Variants in MON2 observed in about 807,000 individuals in gnomAD.
MON2 encodes the protein protein MON2 homolog.
In MON2, 84 loss-of-function variants were observed where a neutral mutation model predicts 208.6. That is an observed-to-expected ratio of 0.40 (90% CI 0.34 to 0.48). MON2 has a LOEUF of 0.48. Ranked by LOEUF, MON2 falls within the 20% of genes least tolerant of loss-of-function variation. The pLI is 0.59. For missense variants in MON2, 1,611 were observed against 2,015.4 expected, an observed-to-expected ratio of 0.80 and a Z score of 3.84; for synonymous variants, 660 against 694.0, an observed-to-expected ratio of 0.95 and a Z score of 0.77.
rs1249706850 is a variant in MON2 at position 62,593,945 on chromosome 12, A to G, written c.*1196A>G. 1.3e-5 allele frequency: 2 copies of G among 152,170 alleles called. No individual in the cohort carries two copies. Among genetic ancestry groups the G allele is most frequent in the Non-Finnish European group, 2.9e-5 (2 of 67,992 alleles). 9.4% of individuals were successfully genotyped at this position (152,170 alleles called of 1,614,324 possible). On this transcript the variant is annotated 3_prime_UTR_variant, in exon 35 of 35. Coordinates refer to ENST00000393630, the MANE Select transcript of MON2 (RefSeq NM_015026.3). ...AGTGAACTTGCTGTCACGGAGTAAA[A>G]TGCTAATTATGTTTCACTTTCCTAG...
At chr12:62,576,695 T>C (rs1056798179) in intron 30 of MON2, among the ~76,000 whole-genome samples, 5 of 151,916 alleles carry the variant, frequency 3.3e-5, no homozygotes, top group Non-Finnish European at 5.9e-5. Context: ...ATAGGTAAAT[T>C]CTGTTAATCA....
chr12:62,535,917 G>A (rs2072945334), intron 14 of MON2, among the ~76,000 whole-genome samples: 1 of 151,730 alleles, frequency 6.6e-6, no homozygotes, highest in Non-Finnish European at 1.5e-5. Context: ...AATCTAAAAT[G>A]CTGCAAAATC....
Position 62,580,424 on chromosome 12 carries a change from T to C in MON2, c.4699+4T>C, listed in dbSNP as rs2074961166. ...TCTCAGTCATCTTCATTTACAGGTATGTTAATTTTTTTAAGTATTAAAAAG... is the reference window on the plus strand; with the variant it reads ...TCTCAGTCATCTTCATTTACAGGTACGTTAATTTTTTTAAGTATTAAAAAG... On this transcript the variant is annotated splice_donor_region_variant and intron_variant, in intron 32 of 34. Coordinates refer to ENST00000393630, the MANE Select transcript of MON2 (RefSeq NM_015026.3). 1 of 1,588,290 alleles carries C rather than the reference T, an allele frequency of 6.3e-7. No homozygotes were observed. Among genetic ancestry groups the C allele is most frequent in the South Asian group, 1.1e-5 (1 of 88,498 alleles).
chr12:62,543,486 C>A (rs979269621), intron 20 of MON2, among the ~76,000 whole-genome samples: 1 of 152,218 alleles, frequency 6.6e-6, no homozygotes, highest in East Asian at 1.9e-4. Context: ...CATACAGTCT[C>A]TTGATCCACC....
intron 12 of MON2, among the ~76,000 whole-genome samples, chr12:62,534,441 C>G (rs2072809394): frequency 6.9e-6 from 1 of 145,046 alleles, no homozygotes; most frequent in Non-Finnish European, 1.5e-5. Flanking sequence ...ATCTCTTGAA[C>G]CCAGGAGGCG....
intron 7 of MON2, among the ~76,000 whole-genome samples, 192 bp downstream of exon 7, chr12:62,501,890 A>G (rs1057453725): frequency 1.3e-5 from 2 of 151,916 alleles, no homozygotes; most frequent in Non-Finnish European, 2.9e-5. Context: ...GTTCGAGACC[A>G]GCCTAGGCAA....
At chr12:62,543,299 T>G in intron 20 of MON2, 101 bp downstream of exon 20, 2 of 546,890 alleles carry the variant, frequency 3.7e-6, no homozygotes, top group Non-Finnish European at 5.9e-6. Flanking sequence ...TTAACTTTTT[T>G]TCCCCCTTTC....
At chr12:62,557,942 A>ATG in intron 25 of MON2, among the ~76,000 whole-genome samples, 1 of 41,644 alleles carries the variant, frequency 2.4e-5, no homozygotes, top group East Asian at 6.4e-4. Flanking sequence ...ATATATATAT[A>ATG]TATATATATA....
intron 10 of MON2, 102 bp from the exon 11 acceptor site, chr12:62,525,847 A>G (rs2072302189): frequency 9.7e-7 from 1 of 1,030,958 alleles, no homozygotes; most frequent in South Asian, 1.6e-5. Context: ...TTCTGATAGC[A>G]CAGAAATTTT....
At position 62,597,372 on chromosome 12, in the gene MON2, C is replaced by T. The variant is rs1280110706; in HGVS notation, c.*4623C>T. ...TCTCTAATTGTGCCTATTCCTTGTT[C>T]ATAAGAAGTGGAGCTGTTAGTGGTA... On this transcript the variant is annotated 3_prime_UTR_variant, in exon 35 of 35. Coordinates refer to ENST00000393630, the MANE Select transcript of MON2 (RefSeq NM_015026.3). The T allele has an allele frequency of 2.0e-5, 3 of 152,048 alleles. No individual in the cohort carries two copies. The highest frequency in any genetic ancestry group is 4.4e-5 in the Non-Finnish European group (3 of 68,016). 9.4% of individuals were successfully genotyped at this position (152,048 alleles called of 1,614,324 possible).
chr12:62,545,008 G>A lies in MON2; in HGVS notation c.2577G>A (p.Gln859=). ...FNHDPPLSQN[Q]RLQLLLLNPL... Reference sequence around the variant, plus strand: ...ATGATCCTCCACTCTCACAAAACCAGGTAATAAAAACCTTACTTTTTAAAA... The same window carrying A: ...ATGATCCTCCACTCTCACAAAACCAAGTAATAAAAACCTTACTTTTTAAAA... The change falls in exon 21 of 35, where the codon CAG becomes CAA. Residue 859 remains glutamine (Q), a splice_region_variant and synonymous_variant. Transcript: ENST00000393630. 1 of 1,547,478 alleles carries A rather than the reference G, an allele frequency of 6.5e-7. No homozygotes were observed. The highest frequency in any genetic ancestry group is 2.0e-5 in the Admixed American group (1 of 49,278).
At chr12:62,481,040 G>A (rs899825365) in intron 1 of MON2, among the ~76,000 whole-genome samples, 10 of 152,290 alleles carry the variant, frequency 6.6e-5, no homozygotes, top group African/African-American at 2.4e-4. Flanking sequence ...AATAATTTCA[G>A]TGTTCTATAA....
At chr12:62,558,577 C>T (rs1172148819) in intron 25 of MON2, among the ~76,000 whole-genome samples, 2 of 151,940 alleles carry the variant, frequency 1.3e-5, no homozygotes, top group African/African-American at 4.8e-5. Flanking sequence ...ACTTTGATGG[C>T]AACAGGTAGA....
At chr12:62,484,963 T>G (rs188348129) in intron 2 of MON2, 2 of 151,308 alleles carry the variant, frequency 1.3e-5, no homozygotes, top group East Asian at 3.9e-4. Flanking sequence ...AAGGCACTTG[T>G]GTCATTCTAT....
rs559551454 is a variant in MON2 at position 62,589,839 on chromosome 12, T to C, written c.4990+1683T>C. Among the ~76,000 whole-genome samples, 3 of 151,856 alleles carry C rather than the reference T, an allele frequency of 2.0e-5. No individual in the cohort carries two copies. In the South Asian group the frequency reaches 6.2e-4, roughly 32 times the overall value. On this transcript the variant is annotated intron_variant, in intron 34 of 34. Transcript: ENST00000393630. Reference sequence around the variant, plus strand: ...TCTTTTTTACAAAGCCAATAGGTTATATGTATAAGGCAGTGTAGTAATAGA... The same window carrying C: ...TCTTTTTTACAAAGCCAATAGGTTACATGTATAAGGCAGTGTAGTAATAGA...
chr12:62,551,985 A>G (rs1257761875), intron 23 of MON2, among the ~76,000 whole-genome samples: 1 of 152,166 alleles, frequency 6.6e-6, no homozygotes, highest in Non-Finnish European at 1.5e-5. Flanking sequence ...TTAAAACAAG[A>G]TAGTTGTATC....
intron 32 of MON2, among the ~76,000 whole-genome samples, chr12:62,584,828 G>A (rs1476730615): frequency 6.6e-6 from 1 of 151,798 alleles, no homozygotes; most frequent in African/African-American, 2.4e-5. Flanking sequence ...CGTGTCTAGA[G>A]AGCAACTGCC....
rs769998665 is a variant in MON2, at chr12:62,553,003, C to T, written c.3039C>T (p.His1013=). The part of the protein sequence containing the change: ...EKGVVLNRPF[H]PAPPFDCLWL... ...GAGTTGTTTTAAATCGGCCATTCCA[C>T]CCTGCACCGCCATTTGATTGCTTGT... Residue 1013 remains histidine (H), a synonymous_variant, in exon 24 of 35, where the codon CAC becomes CAT. Coordinates refer to ENST00000393630, the MANE Select transcript of MON2 (RefSeq NM_015026.3). The T allele has an allele frequency of 1.2e-6, 2 of 1,614,184 alleles. No individual in the cohort carries two copies.
chr12:62,502,423 G>A (rs1038757842), intron 7 of MON2, among the ~76,000 whole-genome samples: 2 of 150,666 alleles, frequency 1.3e-5, no homozygotes, highest in East Asian at 1.9e-4. Flanking sequence ...AAAAAAAAAG[G>A]AAGGAAAGAA....
Sources: gnomAD v4.1 joint callset for allele counts (sites outside exome capture counted in the v4.1 genomes callset) on GRCh38, gnomAD v4.1.1 for gene constraint, MANE v1.5 for transcripts, NCBI Gene and HGNC (gene_info 2026-07-23, HGNC 2026-07-21) for gene names.